Variants in PPFIBP1 observed in about 807,000 individuals in gnomAD.
PPFIBP1 encodes liprin-beta-1.
Under a neutral mutation model 137.8 loss-of-function variants are expected in PPFIBP1, and 112 were observed. The observed-to-expected ratio is 0.81, with a 90% confidence interval of 0.70 to 0.95. The LOEUF (loss-of-function observed/expected upper bound fraction) is 0.95, where lower values mean the gene tolerates loss of function less well. Ranked by LOEUF, PPFIBP1 falls within the 40% of genes least tolerant of loss-of-function variation. The pLI is 0.00. For synonymous variants in PPFIBP1, 378 were observed against 417.3 expected (o/e 0.91, Z 1.15); for missense variants, 1,083 against 1,196.6 (o/e 0.91, Z 1.40).
rs76247682 is a variant in PPFIBP1, at chr12:27,551,500, G to A, written c.-123-26652G>A. 3.3e-5 allele frequency among the ~76,000 whole-genome samples: 5 copies of A among 152,276 alleles called. 1 individual carries two copies. The highest frequency in any genetic ancestry group is 3.9e-4 in the East Asian group (2 of 5,184). On this transcript the variant is annotated intron_variant, in intron 1 of 29. Transcript: ENST00000228425. The stretch of plus-strand genomic sequence containing the variant: ...TAAAAGGAACATTGTAAATTAGACA[G>A]TTGCTGAGAACCAGAATGATGGCTA...
intron 1 of PPFIBP1, among the ~76,000 whole-genome samples, chr12:27,528,253 A>G (rs1319727025): frequency 6.6e-6 from 1 of 152,076 alleles, no homozygotes. Context: ...CTGGTTATGC[A>G]GGGTATTCTT....
At chr12:27,644,074 AGTTT>A (rs1005295593) in intron 4 of PPFIBP1, among the ~76,000 whole-genome samples, 1 of 151,638 alleles carries the variant, frequency 6.6e-6, no homozygotes, top group South Asian at 2.1e-4. Context: ...AAGAAAGATC[AGTTT>A]GTTTGTTTGT....
intron 27 of PPFIBP1, among the ~76,000 whole-genome samples, chr12:27,689,673 C>A (rs1297785886): frequency 1.3e-5 from 2 of 152,112 alleles, no homozygotes; most frequent in Admixed American, 6.5e-5. Flanking sequence ...CCCGCTCCTG[C>A]CTTGAGTCCT....
At chr12:27,595,100 C>T (rs1422856595) in intron 2 of PPFIBP1, among the ~76,000 whole-genome samples, 1 of 152,232 alleles carries the variant, frequency 6.6e-6, no homozygotes, top group Non-Finnish European at 1.5e-5. Flanking sequence ...CAGTCTTCTG[C>T]TGGTTGATAC....
In PPFIBP1 at chr12:27,695,063, A is replaced by T. The variant is rs180903040; in HGVS notation, c.*2181A>T. 1.3e-3 allele frequency: 195 copies of T among 152,322 alleles called. 1 individual carries two copies. The highest frequency in any genetic ancestry group is 4.0e-3 in the African/African-American group (167 of 41,562). The allele number at this position is 152,322 out of a possible 1,614,324, so 9.4% of individuals were successfully genotyped here. The stretch of plus-strand genomic sequence containing the variant: ...ATGTGACTAGATGTCACCACTTCAA[A>T]AAATCAATTTGTTCTTAGAACCTGG... On this transcript the variant is annotated 3_prime_UTR_variant, in exon 30 of 30. Coordinates refer to ENST00000228425, the MANE Select transcript of PPFIBP1 (RefSeq NM_003622.4).
At chr12:27,570,959 C>T (rs1433591992) in intron 1 of PPFIBP1, among the ~76,000 whole-genome samples, 2 of 151,996 alleles carry the variant, frequency 1.3e-5, no homozygotes, top group Non-Finnish European at 2.9e-5. Flanking sequence ...TGTGCATATA[C>T]CTCTCCTTTC....
rs1463871000 is a variant in PPFIBP1, at chr12:27,694,533, T to G, written c.*1651T>G. On this transcript the variant is annotated 3_prime_UTR_variant, in exon 30 of 30. Transcript: ENST00000228425. Reference sequence around the variant, plus strand: ...TGGAGGTTTTTAAAAAGTTGAATATTTGTCTGAACATTTTATTTCAAAGTT... The same window carrying G: ...TGGAGGTTTTTAAAAAGTTGAATATGTGTCTGAACATTTTATTTCAAAGTT... 3 of 152,212 alleles carry G rather than the reference T, an allele frequency of 2.0e-5. No individual in the cohort carries two copies. Among genetic ancestry groups the G allele is most frequent in the Non-Finnish European group, 4.4e-5 (3 of 68,034 alleles). The allele number at this position is 152,212 out of a possible 1,614,324, so 9.4% of individuals were successfully genotyped here.
At chr12:27,576,906 T>C (rs894830412) in intron 1 of PPFIBP1, among the ~76,000 whole-genome samples, 6 of 152,166 alleles carry the variant, frequency 3.9e-5, no homozygotes, top group Admixed American at 6.5e-5. Flanking sequence ...GTGGGAGTCC[T>C]AGGAGCTCAC....
At chr12:27,660,383 T>C (rs959443646) in intron 10 of PPFIBP1, among the ~76,000 whole-genome samples, 24 of 152,236 alleles carry the variant, frequency 1.6e-4, no homozygotes, top group African/African-American at 5.5e-4. Context: ...TCCTTACGTA[T>C]GGAACTACAA....
intron 2 of PPFIBP1, among the ~76,000 whole-genome samples, chr12:27,625,062 G>A (rs2056696095): frequency 6.6e-6 from 1 of 152,138 alleles, no homozygotes; most frequent in Non-Finnish European, 1.5e-5. Flanking sequence ...CTTGAGCCCA[G>A]GAGTTCAAGA....
chr12:27,613,920 C>T (rs189618159), intron 2 of PPFIBP1, among the ~76,000 whole-genome samples: 37 of 152,238 alleles, frequency 2.4e-4, no homozygotes, highest in Non-Finnish European at 4.4e-4. Flanking sequence ...ACCTTGCCTT[C>T]CCCACACACG....
At chr12:27,644,926 T>TTC (rs2058369935) in intron 4 of PPFIBP1, among the ~76,000 whole-genome samples, 4 of 151,686 alleles carry the variant, frequency 2.6e-5, no homozygotes, top group Admixed American at 2.6e-4. Context: ...TTTTTTTTCT[T>TTC]CCCCCTTCCC....
rs554104964 is a variant in PPFIBP1 at position 27,676,573 on chromosome 12, A to C, written c.1556A>C (p.Lys519Thr). 6.3e-7 allele frequency: 1 copy of C among 1,596,218 alleles called. No homozygotes were observed. Among genetic ancestry groups the C allele is most frequent in the Non-Finnish European group, 8.5e-7 (1 of 1,171,062 alleles). ...GRGFFKIKSN[K>T]RTASAPNLDR... is the part of the protein sequence containing the mutation. ...GGCTTTTTTAAAATCAAAAGTAACA[A>C]GAGAACAGCAAGTGCACCAAACTTA... The change falls in exon 18 of 30, where the codon AAG becomes ACG. Residue 519 changes from lysine (K) to threonine (T), a missense_variant. By Grantham distance (78) the Lys-to-Thr change is moderately conservative. Transcript: ENST00000228425.
chr12:27,545,190 A>G (rs1201981713), intron 1 of PPFIBP1, among the ~76,000 whole-genome samples: 1 of 151,326 alleles, frequency 6.6e-6, no homozygotes, highest in Non-Finnish European at 1.5e-5. Flanking sequence ...CAATGAGAAC[A>G]TATGGGCACA....
intron 2 of PPFIBP1, among the ~76,000 whole-genome samples, chr12:27,583,239 T>C (rs1452071310): frequency 1.3e-5 from 2 of 152,184 alleles, no homozygotes; most frequent in Non-Finnish European, 2.9e-5. Flanking sequence ...AAATAAACAT[T>C]ATCTCAACCT....
intron 9 of PPFIBP1, among the ~76,000 whole-genome samples, chr12:27,657,856 C>G (rs183722087): frequency 2.8e-3 from 433 of 152,204 alleles, no homozygotes; most frequent in Non-Finnish European, 4.9e-3. Context: ...ACCTGTAATT[C>G]CAGTACTTTG....
At chr12:27,617,620 A>G (rs552892871) in intron 2 of PPFIBP1, among the ~76,000 whole-genome samples, 50 of 152,350 alleles carry the variant, frequency 3.3e-4, no homozygotes, top group African/African-American at 1.2e-3. Context: ...CCTCCCGTAT[A>G]TGTTAAATCA....
chr12:27,590,141 A>G (rs1157029410), intron 2 of PPFIBP1, among the ~76,000 whole-genome samples: 2 of 152,174 alleles, frequency 1.3e-5, no homozygotes, highest in African/African-American at 4.8e-5. Context: ...TCAGAGAGAT[A>G]GATTACTTTC....
chr12:27,674,156 C>A, intron 16 of PPFIBP1, 36 bp from the exon 17 acceptor site: 1 of 1,526,906 alleles, frequency 6.5e-7, no homozygotes, highest in South Asian at 1.2e-5. Context: ...AAAGGATTTC[C>A]CTAACAACCT....
Sources: gnomAD v4.1 joint callset for allele counts (sites outside exome capture counted in the v4.1 genomes callset) on GRCh38, gnomAD v4.1.1 for gene constraint, MANE v1.5 for transcripts, NCBI Gene and HGNC (gene_info 2026-07-23, HGNC 2026-07-21) for gene names.